Variants in ACSL6 observed in about 807,000 individuals in gnomAD.
ACSL6 encodes long-chain-fatty-acid--CoA ligase 6.
ACSL6 carries 47 observed loss-of-function variants against 98.2 expected under a neutral mutation model. That is an observed-to-expected ratio of 0.48 (90% CI 0.38 to 0.61). The LOEUF (loss-of-function observed/expected upper bound fraction) is 0.61. Ranked by LOEUF, ACSL6 falls within the 20% of genes least tolerant of loss-of-function variation. ACSL6 has a pLI of 0.00. For synonymous variants in ACSL6, 362 were observed against 336.9 expected (o/e 1.07, Z -0.82); for missense variants, 761 against 913.4 (o/e 0.83, Z 2.15).
chr5:131,961,457 C>A (rs546883916), intron 18 of ACSL6, among the ~76,000 whole-genome samples: 7 of 152,042 alleles, frequency 4.6e-5, no homozygotes, highest in Admixed American at 4.6e-4. Context: ...CTTTGGGAGG[C>A]TGAGGCAGGC....
At chr5:131,993,425 C>T (rs932991695) in intron 2 of ACSL6, 4 of 156,762 alleles carry the variant, frequency 2.6e-5, no homozygotes, top group Non-Finnish European at 5.7e-5. Context: ...TTTGTTTGTT[C>T]TGGACTATGT....
Position 131,988,818 on chromosome 5 carries a change from G to A in ACSL6, c.639C>T (p.Tyr213=). 5 of 1,614,036 alleles carry A rather than the reference G, an allele frequency of 3.1e-6. No individual in the cohort carries two copies. Among genetic ancestry groups the A allele is most frequent in the Non-Finnish European group, 4.2e-6 (5 of 1,179,984 alleles). ...YDTLGPGAIR[Y]IINTADISTV... ...CAGTGGGCTTACCTGTATTGATGATGTAGCGGATAGCCCCAGGGCCCAGGG... is the reference window on the plus strand; with the variant it reads ...CAGTGGGCTTACCTGTATTGATGATATAGCGGATAGCCCCAGGGCCCAGGG... The change falls in exon 6 of 21, where the codon TAC becomes TAT. Residue 213 remains tyrosine (Y), a synonymous_variant. Coordinates refer to ENST00000651883, the MANE Select transcript of ACSL6 (RefSeq NM_001009185.3).
chr5:132,010,913 T>C (rs1353985899), intron 1 of ACSL6, among the ~76,000 whole-genome samples: 2 of 151,842 alleles, frequency 1.3e-5, no homozygotes, highest in Non-Finnish European at 2.9e-5. Flanking sequence ...CTGACTCCTG[T>C]GAGGTGGAGG....
At position 131,988,861 on chromosome 5, in the gene ACSL6, A is replaced by G; in HGVS notation, c.596T>C (p.Val199Ala). 1.2e-6 allele frequency: 2 copies of G among 1,613,548 alleles called. No homozygotes were observed. Among genetic ancestry groups the G allele is most frequent in the African/African-American group, 1.3e-5 (1 of 74,790 alleles). ...ELACYTYSMV[V>A]VPLYDTLGPG... Reference sequence around the variant, plus strand: ...GCCCAGGGTGTCATAGAGCGGGACCACCACCATGGAATATGTGTAGCAGGC... The same window carrying G: ...GCCCAGGGTGTCATAGAGCGGGACCGCCACCATGGAATATGTGTAGCAGGC... Residue 199 changes from valine to alanine, a missense_variant, in exon 6 of 21, where the codon GTG becomes GCG. By Grantham distance (64) the Val-to-Ala change is moderately conservative. Coordinates refer to ENST00000651883, the MANE Select transcript of ACSL6 (RefSeq NM_001009185.3).
intron 1 of ACSL6, among the ~76,000 whole-genome samples, chr5:132,000,489 C>A (rs1472255203): frequency 6.6e-6 from 1 of 151,704 alleles, no homozygotes; most frequent in Non-Finnish European, 1.5e-5. Flanking sequence ...GGGGGTCTCA[C>A]TACTGCAAGA....
chr5:131,962,396 T>C, intron 18 of ACSL6, 139 bp downstream of exon 18: 1 of 994,702 alleles, frequency 1.0e-6, no homozygotes, highest in Non-Finnish European at 1.4e-6. Context: ...ATAAGTAAGA[T>C]TTCTCCTTTA....
intron 18 of ACSL6, 115 bp downstream of exon 18, chr5:131,962,420 T>C (rs1752759135): frequency 1.6e-6 from 2 of 1,261,852 alleles, no homozygotes; most frequent in Non-Finnish European, 2.2e-6. Flanking sequence ...AGGAGTTTTC[T>C]CTCATGTTTT....
chr5:132,011,390 A>C lies in ACSL6; in HGVS notation c.49+115T>G. 1 of 1,158,448 alleles carries C rather than the reference A, an allele frequency of 8.6e-7. No homozygotes were observed. The highest frequency in any genetic ancestry group is 1.9e-5 in the Admixed American group (1 of 53,850). The allele number at this position is 1,158,448 out of a possible 1,614,324, so 71.8% of individuals were successfully genotyped here. A position where few individuals can be genotyped will look rare whatever the true frequency, so the allele number is the denominator to read the frequency against. ...CCTGGGGACCTTGACGGGACAGCTC[A>C]GCAGCAGGGGATGGGGGCTCGGCGG... On this transcript the variant is annotated intron_variant, in intron 1 of 20. Coordinates refer to ENST00000651883, the MANE Select transcript of ACSL6 (RefSeq NM_001009185.3). The surrounding 1 kb of genome is among the most constrained non-coding windows in gnomAD (Gnocchi z 5.4).
chr5:131,973,540 G>A, intron 11 of ACSL6, 140 bp from the exon 12 acceptor site: 2 of 828,124 alleles, frequency 2.4e-6, no homozygotes, highest in Non-Finnish European at 3.6e-6. Context: ...ATGAGACACT[G>A]ATGAATGCCA....
At chr5:131,970,898 A>G (rs1753271309) in intron 14 of ACSL6, among the ~76,000 whole-genome samples, 1 of 152,206 alleles carries the variant, frequency 6.6e-6, no homozygotes, top group Non-Finnish European at 1.5e-5. Flanking sequence ...TGAATACACC[A>G]TGCAGGAGTG....
At chr5:132,000,823 G>C (rs2126943885) in intron 1 of ACSL6, among the ~76,000 whole-genome samples, 1 of 152,314 alleles carries the variant, frequency 6.6e-6, no homozygotes, top group East Asian at 1.9e-4. Flanking sequence ...CCCAGGACAG[G>C]ACCCAGTGCT....
At chr5:131,973,186 CT>C in intron 12 of ACSL6, 79 bp downstream of exon 12, 1 of 1,538,708 alleles carries the variant, frequency 6.5e-7, no homozygotes, top group Non-Finnish European at 8.8e-7. Flanking sequence ...CACTGAAAGC[CT>C]GCCTGGGGCT....
rs192255255 is a variant in ACSL6, at chr5:131,970,123, C to A, written c.1507+5G>T. On this transcript the variant is annotated splice_donor_5th_base_variant and intron_variant, in intron 15 of 20. Transcript: ENST00000651883. ...AGCCAGTCCTATATCTCTAGCCCAT[C>A]CTACCTGAGGTCCAGTCGCCAGGAG... is the stretch of plus-strand genomic sequence containing the variant. The A allele has an allele frequency of 1.2e-5, 20 of 1,614,146 alleles. No individual in the cohort carries two copies. Among genetic ancestry groups the A allele is most frequent in the Admixed American group, 6.7e-5 (4 of 60,022 alleles).
intron 6 of ACSL6, 168 bp downstream of exon 6, chr5:131,988,637 A>G: frequency 6.2e-7 from 1 of 1,612,960 alleles, no homozygotes; most frequent in South Asian, 1.1e-5. Flanking sequence ...CTGACCAGGG[A>G]CAGCTTGACT....
chr5:131,973,170 T>C, intron 12 of ACSL6, 96 bp downstream of exon 12: 1 of 1,479,286 alleles, frequency 6.8e-7, no homozygotes, highest in East Asian at 2.3e-5. Context: ...GACTTGGCAG[T>C]GGAGGCACTG....
At position 131,988,658 on chromosome 5, in the gene ACSL6, A is replaced by C. The variant is rs2126891532; in HGVS notation, c.652+147T>G. The C allele has an allele frequency of 4.4e-6, 7 of 1,605,582 alleles. No individual in the cohort carries two copies. In the East Asian group the frequency reaches 1.6e-4, roughly 36 times the overall value. On this transcript the variant is annotated intron_variant, in intron 6 of 20. Transcript: ENST00000651883. Reference sequence around the variant, plus strand: ...AGGGACAGCTTGACTCAGGAAGCCAACTCAGGAGCCACAGTGTAAGCCCCT... The same window carrying C: ...AGGGACAGCTTGACTCAGGAAGCCACCTCAGGAGCCACAGTGTAAGCCCCT...
intron 6 of ACSL6, 147 bp from the exon 7 acceptor site, chr5:131,988,373 G>A (rs139332168): frequency 2.7e-5 from 35 of 1,276,020 alleles, no homozygotes; most frequent in African/African-American, 1.5e-4. Context: ...GACAGGCCTC[G>A]TGTACAGAGG....
chr5:132,001,178 AGGAAATCCAGTGGTCTGTG>A lies in ACSL6; in HGVS notation c.50-6946_50-6928del, dbSNP rs567970377. Reference sequence around the variant, plus strand: ...TGCTTCTCAAGGCAGCCTCTGGGGCAGGAAATCCAGTGGTCTGTGGGAAATCCCACAGAGTGCCAGAGGC... The same window carrying A: ...TGCTTCTCAAGGCAGCCTCTGGGGCAGGAAATCCCACAGAGTGCCAGAGGC... On this transcript the variant is annotated intron_variant, in intron 1 of 20. Coordinates refer to ENST00000651883, the MANE Select transcript of ACSL6 (RefSeq NM_001009185.3). 1.1e-4 allele frequency among the ~76,000 whole-genome samples: 17 copies of A among 152,356 alleles called. No homozygotes were observed. In the East Asian group the frequency reaches 3.3e-3, roughly 29 times the overall value.
intron 7 of ACSL6, among the ~76,000 whole-genome samples, chr5:131,987,509 TG>T (rs920221625): frequency 2.0e-5 from 3 of 152,030 alleles, no homozygotes; most frequent in African/African-American, 4.8e-5. Context: ...TAGGGCATAG[TG>T]GGGGGTCAGC....
Sources: allele counts gnomAD v4.1 joint callset (sites outside exome capture counted in the v4.1 genomes callset), GRCh38; gene constraint gnomAD v4.1.1; non-coding constraint Gnocchi (gnomAD v3.1); transcripts MANE v1.5; gene names NCBI Gene and HGNC (gene_info 2026-07-23, HGNC 2026-07-21).